Variants in CDH23 observed in about 807,000 individuals in gnomAD.
CDH23 encodes cadherin-23.
In CDH23, 189 loss-of-function variants were observed where a neutral mutation model predicts 317.1. That is an observed-to-expected ratio of 0.60 (90% CI 0.53 to 0.67). The LOEUF is 0.67. Among genes scored for constraint, CDH23 ranks in the 30% least tolerant of loss-of-function variants. The probability of loss-of-function intolerance (pLI) is 0.00; values close to 1 mark genes in which losing one functional copy is unlikely to be tolerated. For missense variants in CDH23, 4,401 were observed against 4,592.4 expected (o/e 0.96, Z 1.20); for synonymous variants, 1,839 against 1,876.8 (o/e 0.98, Z 0.52).
chr10:71,639,241 T>C (rs1325326340), intron 11 of CDH23, among the ~76,000 whole-genome samples: 1 of 152,128 alleles, frequency 6.6e-6, no homozygotes, highest in African/African-American at 2.4e-5. Context: ...AGGGCTCCTT[T>C]TGATGTTTCT....
intron 18 of CDH23, among the ~76,000 whole-genome samples, chr10:71,687,438 C>T (rs1864952895): frequency 6.6e-6 from 1 of 152,134 alleles, no homozygotes; most frequent in Non-Finnish European, 1.5e-5. Flanking sequence ...GCATGTTTCC[C>T]CAAGGCTGGT....
chr10:71,703,877 G>A (rs568961365), intron 24 of CDH23, among the ~76,000 whole-genome samples: 3 of 152,328 alleles, frequency 2.0e-5, no homozygotes, highest in East Asian at 1.9e-4. Flanking sequence ...CACAACCAGC[G>A]AAGAAAGATG....
chr10:71,487,611 A>G lies in CDH23; in HGVS notation c.146-22471A>G, dbSNP rs183039966. Among the ~76,000 whole-genome samples the G allele has an allele frequency of 1.6e-3, 251 of 152,352 alleles. 1 individual carries two copies. The highest frequency in any genetic ancestry group is 5.9e-3 in the African/African-American group (247 of 41,584). ...AATAATTATTAAAAACACAAGTTTA[A>G]AAAGAATCGTTAAATCATTTGGTGG... On this transcript the variant is annotated intron_variant, in intron 3 of 69. Transcript: ENST00000224721.
chr10:71,605,933 TC>T (rs2132488474), intron 9 of CDH23, among the ~76,000 whole-genome samples: 1 of 152,352 alleles, frequency 6.6e-6, no homozygotes, highest in Non-Finnish European at 1.5e-5. Flanking sequence ...TCAGCCATAG[TC>T]CCTGGTGATG....
chr10:71,730,004 T>A (rs1464006448), intron 30 of CDH23, among the ~76,000 whole-genome samples: 1 of 151,964 alleles, frequency 6.6e-6, no homozygotes, highest in Non-Finnish European at 1.5e-5. Flanking sequence ...CCGGCTAATT[T>A]TTTGTATTTT....
chr10:71,643,930 A>T, intron 12 of CDH23, 64 bp downstream of exon 12: 2 of 763,690 alleles, frequency 2.6e-6, no homozygotes, highest in Non-Finnish European at 2.4e-6. Context: ...CACAGTGGGG[A>T]GGGGCTTTGA....
chr10:71,630,713 T>A (rs1033850878), intron 11 of CDH23, among the ~76,000 whole-genome samples: 1 of 152,174 alleles, frequency 6.6e-6, no homozygotes, highest in African/African-American at 2.4e-5. Flanking sequence ...TGCTGGTAGA[T>A]ACCTAGCGAG....
chr10:71,558,334 G>A (rs1229124081), intron 6 of CDH23, among the ~76,000 whole-genome samples: 1 of 152,086 alleles, frequency 6.6e-6, no homozygotes, highest in African/African-American at 2.4e-5. Flanking sequence ...CTATTAGTTG[G>A]AATGTTGGAT....
At chr10:71,441,780 C>T (rs949079924) in intron 2 of CDH23, among the ~76,000 whole-genome samples, 2 of 151,930 alleles carry the variant, frequency 1.3e-5, no homozygotes, top group Non-Finnish European at 2.9e-5. Context: ...GTGCTAAGCC[C>T]TTGGCTGCTT....
chr10:71,647,430 T>C (rs1330951444), intron 14 of CDH23, among the ~76,000 whole-genome samples: 4 of 150,692 alleles, frequency 2.7e-5, no homozygotes, highest in Non-Finnish European at 4.4e-5. Flanking sequence ...GTCACTGCCC[T>C]CCAGCCTGGG....
intron 3 of CDH23, among the ~76,000 whole-genome samples, chr10:71,453,212 G>A (rs927508771): frequency 3.3e-5 from 5 of 152,216 alleles, no homozygotes; most frequent in Non-Finnish European, 5.9e-5. Flanking sequence ...GTGGGAACCC[G>A]GGATTCATTA....
intron 9 of CDH23, among the ~76,000 whole-genome samples, chr10:71,588,940 A>T (rs1859272602): frequency 6.6e-6 from 1 of 152,130 alleles, no homozygotes; most frequent in African/African-American, 2.4e-5. Flanking sequence ...TGCAGGCTGC[A>T]CTTGGGATCT....
intron 47 of CDH23, among the ~76,000 whole-genome samples, chr10:71,792,820 TAAAAAAAAAAAAAA>T (rs1158593304): frequency 9.4e-4 from 45 of 47,904 alleles, no homozygotes; most frequent in African/African-American, 3.7e-3. Context: ...AGACTCCATC[TAAAAAAAAAAAAAA>T]AAAAAAAAAA....
intron 6 of CDH23, among the ~76,000 whole-genome samples, chr10:71,529,628 C>T (rs1855243906): frequency 6.6e-6 from 1 of 152,176 alleles, no homozygotes; most frequent in African/African-American, 2.4e-5. Context: ...CCCTCCGTCA[C>T]ACACCCTTCC....
At chr10:71,575,738 A>C (rs1345388049) in intron 8 of CDH23, among the ~76,000 whole-genome samples, 8 of 152,160 alleles carry the variant, frequency 5.3e-5, no homozygotes, top group Non-Finnish European at 8.8e-5. Context: ...GCACAGCCGC[A>C]CTTCTCCATC....
rs77482544 is a variant in CDH23, at chr10:71,784,680, C to G, written c.5503-211C>G. Among the ~76,000 whole-genome samples the G allele has an allele frequency of 8.4e-3, 1,282 of 152,346 alleles. 23 individuals carry two copies. The highest frequency in any genetic ancestry group is 0.03 in the African/African-American group (1,227 of 41,580). ...ATCACTGCCCCTCCTCTGCCTCTGC[C>G]TTTCCTGCTTCCCTCATCATCCTCT... On this transcript the variant is annotated intron_variant, in intron 42 of 69. Coordinates refer to ENST00000224721, the MANE Select transcript of CDH23 (RefSeq NM_022124.6).
chr10:71,421,500 A>G (rs1371953325), intron 1 of CDH23, among the ~76,000 whole-genome samples: 2 of 152,228 alleles, frequency 1.3e-5, no homozygotes, highest in East Asian at 1.9e-4. Flanking sequence ...TCGTAATTCT[A>G]TTGCAGACAG....
intron 14 of CDH23, among the ~76,000 whole-genome samples, chr10:71,668,325 A>G (rs1863998354): frequency 6.6e-6 from 1 of 152,190 alleles, no homozygotes; most frequent in Non-Finnish European, 1.5e-5. Flanking sequence ...ATCGGTCTTC[A>G]ACAGGGCGAG....
intron 1 of CDH23, among the ~76,000 whole-genome samples, chr10:71,406,898 C>T (rs1848122285): frequency 6.6e-6 from 1 of 152,162 alleles, no homozygotes; most frequent in Non-Finnish European, 1.5e-5. Flanking sequence ...TGACCATAGA[C>T]TTAGTGTCAG....
Sources: gnomAD v4.1 joint callset for allele counts (sites outside exome capture counted in the v4.1 genomes callset) on GRCh38, gnomAD v4.1.1 for gene constraint, MANE v1.5 for transcripts, NCBI Gene and HGNC (gene_info 2026-07-23, HGNC 2026-07-21) for gene names.